MCM9: variants seen among roughly 807,000 people sequenced by gnomAD.
The protein encoded by MCM9 is minichromosome maintenance 9 homologous recombination repair factor.
MCM9 carries 55 observed loss-of-function variants against 72.8 expected under a neutral mutation model. That is an observed-to-expected ratio of 0.76 (90% CI 0.61 to 0.95). The LOEUF is 0.95. Ranked by LOEUF, MCM9 falls within the 40% of genes least tolerant of loss-of-function variation. The probability of loss-of-function intolerance (pLI) is 0.00; values close to 1 mark genes in which losing one functional copy is unlikely to be tolerated. For missense variants in MCM9, 1,279 were observed against 1,377.0 expected, an observed-to-expected ratio of 0.93 and a Z score of 1.13; for synonymous variants, 480 against 503.4, an observed-to-expected ratio of 0.95 and a Z score of 0.62.
chr6:118,883,291 G>C (rs898990860), intron 8 of MCM9, among the ~76,000 whole-genome samples: 2 of 151,856 alleles, frequency 1.3e-5, no homozygotes, highest in African/African-American at 4.8e-5. Flanking sequence ...GCAATCCAAA[G>C]AACAGAGGTA....
intron 8 of MCM9, among the ~76,000 whole-genome samples, chr6:118,862,721 T>C (rs1306931287): frequency 6.6e-6 from 1 of 152,120 alleles, no homozygotes. Context: ...GCTTACCTCC[T>C]ACTGTGCAGC....
rs528172777 is a variant in MCM9 at position 118,858,210 on chromosome 6, C to A, written c.1151-1665G>T. Among the ~76,000 whole-genome samples the A allele has an allele frequency of 1.3e-5, 2 of 152,162 alleles. 1 individual carries two copies. Among genetic ancestry groups the A allele is most frequent in the African/African-American group, 4.8e-5 (2 of 41,532 alleles). ...AGGAATGCAAGGTGAAGTTAACATT[C>A]GAAAATTAATCAGTGTAATTCGCCA... On this transcript the variant is annotated intron_variant, in intron 8 of 13. Transcript: ENST00000619706.
chr6:118,893,263 G>T (rs890136526), intron 8 of MCM9, among the ~76,000 whole-genome samples: 1 of 152,162 alleles, frequency 6.6e-6, no homozygotes, highest in South Asian at 2.1e-4. Context: ...CTTTACTAAC[G>T]GTTTAGGTCA....
intron 13 of MCM9, among the ~76,000 whole-genome samples, chr6:118,819,908 A>G (rs1371305034): frequency 3.3e-5 from 5 of 152,174 alleles, no homozygotes; most frequent in Non-Finnish European, 5.9e-5. Flanking sequence ...TTATCTGCAT[A>G]GAGTTGTTTA....
intron 8 of MCM9, among the ~76,000 whole-genome samples, chr6:118,859,583 C>T (rs986394281): frequency 1.4e-4 from 21 of 152,084 alleles, no homozygotes; most frequent in Non-Finnish European, 2.9e-4. Context: ...AAAATTTGAA[C>T]TATTATTAGC....
intron 8 of MCM9, among the ~76,000 whole-genome samples, chr6:118,881,014 A>G (rs1778251718): frequency 6.6e-6 from 1 of 152,080 alleles, no homozygotes; most frequent in Non-Finnish European, 1.5e-5. Flanking sequence ...TTAACAAAAA[A>G]TAATAATAGA....
intron 8 of MCM9, among the ~76,000 whole-genome samples, chr6:118,874,387 C>A (rs1777807788): frequency 6.6e-6 from 1 of 152,124 alleles, no homozygotes; most frequent in Non-Finnish European, 1.5e-5. Flanking sequence ...CATGATTAAA[C>A]AACAACACAA....
chr6:118,864,371 G>C (rs889677951), intron 8 of MCM9, among the ~76,000 whole-genome samples: 2 of 152,148 alleles, frequency 1.3e-5, no homozygotes, highest in Non-Finnish European at 2.9e-5. Flanking sequence ...GACAGAGAAA[G>C]ATTTATCACT....
intron 2 of MCM9, 45 bp from the exon 3 acceptor site, chr6:118,931,783 A>C: frequency 7.2e-7 from 1 of 1,396,384 alleles, no homozygotes; most frequent in Non-Finnish European, 9.6e-7. Flanking sequence ...GATACTCAAG[A>C]TGTACACACA....
intron 6 of MCM9, 108 bp from the exon 7 acceptor site, chr6:118,913,528 T>C (rs1780709727): frequency 1.5e-6 from 2 of 1,354,404 alleles, no homozygotes; most frequent in Non-Finnish European, 2.0e-6. Context: ...TACTCTACTA[T>C]GTGAAGTGAT....
chr6:118,922,379 T>C (rs1781501609), intron 4 of MCM9, among the ~76,000 whole-genome samples: 1 of 152,202 alleles, frequency 6.6e-6, no homozygotes, highest in Admixed American at 6.5e-5. Flanking sequence ...AAGTTAACTT[T>C]ATCTAGAAAA....
In MCM9 at chr6:118,857,626, CAAAAAAAAAAA is replaced by C. The variant is rs1203197065; in HGVS notation, c.1151-1092_1151-1082del. The stretch of plus-strand genomic sequence containing the variant: ...TGGATAAACTTCTGTCCAGACTGAC[CAAAAAAAAAAA>C]AAAAAAAAAAAAGAGGAGACACAAG... On this transcript the variant is annotated intron_variant, in intron 8 of 13. Coordinates refer to ENST00000619706, the MANE Select transcript of MCM9 (RefSeq NM_017696.3). Among the ~76,000 whole-genome samples the C allele has an allele frequency of 9.9e-5, 7 of 70,958 alleles. No homozygotes were observed. In the South Asian group the frequency reaches 1.4e-3, roughly 14 times the overall value. 46.6% of individuals were successfully genotyped at this position (70,958 alleles called of 152,430 possible). A position where few individuals can be genotyped will look rare whatever the true frequency, so the allele number is the denominator to read the frequency against.
chr6:118,839,783 C>G (rs1433063817), intron 9 of MCM9, among the ~76,000 whole-genome samples: 1 of 152,204 alleles, frequency 6.6e-6, no homozygotes, highest in Non-Finnish European at 1.5e-5. Context: ...CTGCCTGTTC[C>G]TTCCTCTGGA....
At chr6:118,862,515 T>C (rs551615412) in intron 8 of MCM9, among the ~76,000 whole-genome samples, 150 of 152,318 alleles carry the variant, frequency 9.8e-4, no homozygotes, top group Non-Finnish European at 1.9e-3. Flanking sequence ...TGGGAGACAG[T>C]GACAGATCAT....
chr6:118,894,560 G>A (rs759373405), intron 8 of MCM9: 1 of 1,490,438 alleles, frequency 6.7e-7, no homozygotes, highest in South Asian at 1.2e-5. Context: ...TGTCAGTTGC[G>A]GGCTGCAGAC....
intron 8 of MCM9, among the ~76,000 whole-genome samples, chr6:118,881,234 A>G (rs1179043451): frequency 1.3e-5 from 2 of 152,154 alleles, no homozygotes; most frequent in Admixed American, 6.5e-5. Context: ...GTATAATTTT[A>G]TAATAATGTT....
chr6:118,843,694 A>ATG lies in MCM9; in HGVS notation c.1325+12676_1325+12677insCA, dbSNP rs1380223096. Among the ~76,000 whole-genome samples, 52 of 82,178 alleles carry ATG rather than the reference A, an allele frequency of 6.3e-4. 1 individual carries two copies. The highest frequency in any genetic ancestry group is 2.5e-3 in the African/African-American group (51 of 20,484). 53.9% of individuals were successfully genotyped at this position (82,178 alleles called of 152,430 possible). On this transcript the variant is annotated intron_variant, in intron 9 of 13. Transcript: ENST00000619706. ...TGTATGTATATATATATGTGTATATATATATATATGTATGTATATATATAT... is the reference window on the plus strand; with the variant it reads ...TGTATGTATATATATATGTGTATATATGTATATATATGTATGTATATATATAT...
chr6:118,924,506 A>G (rs74954848), intron 3 of MCM9, among the ~76,000 whole-genome samples: 1 of 152,354 alleles, frequency 6.6e-6, no homozygotes, highest in East Asian at 1.9e-4. Context: ...CTTGCCACAG[A>G]TAAAATCAAC....
At chr6:118,826,750 G>C (rs1774194087) in intron 12 of MCM9, 32 bp downstream of exon 12, 1 of 1,468,002 alleles carries the variant, frequency 6.8e-7, no homozygotes, top group East Asian at 2.5e-5. Context: ...TTTGTAATTA[G>C]GATAAAAATT....
Sources: allele counts gnomAD v4.1 joint callset (sites outside exome capture counted in the v4.1 genomes callset), GRCh38; gene constraint gnomAD v4.1.1; transcripts MANE v1.5; gene names NCBI Gene and HGNC (gene_info 2026-07-23, HGNC 2026-07-21).